Variants in MS4A4A observed in about 807,000 individuals in gnomAD.
The protein encoded by MS4A4A is membrane spanning 4-domains A4A.
A neutral mutation model predicts 28.0 loss-of-function variants in MS4A4A; 26 were observed. The observed-to-expected ratio is 0.93, with a 90% CI of 0.68 to 1.29. MS4A4A has a LOEUF of 1.29. Ranked by LOEUF, MS4A4A falls within the 50% of genes most tolerant of loss-of-function variation. The pLI is 0.00. For missense variants in MS4A4A, 290 were observed against 293.1 expected (o/e 0.99, Z 0.08); for synonymous variants, 86 against 100.8 (o/e 0.85, Z 0.88).
intron 1 of MS4A4A, among the ~76,000 whole-genome samples, chr11:60,284,350 G>C (rs1393121350): frequency 1.3e-5 from 2 of 152,138 alleles, no homozygotes; most frequent in African/African-American, 2.4e-5. Flanking sequence ...TTTCTGGCTT[G>C]AAGTATAAAA....
chr11:60,289,248 G>T (rs1289136695), intron 1 of MS4A4A, among the ~76,000 whole-genome samples: 2 of 152,180 alleles, frequency 1.3e-5, no homozygotes, highest in Non-Finnish European at 2.9e-5. Flanking sequence ...CAGACATGTG[G>T]ACTTCAGGTA....
At chr11:60,300,247 A>G (rs962176022) in intron 3 of MS4A4A, among the ~76,000 whole-genome samples, 3 of 152,232 alleles carry the variant, frequency 2.0e-5, no homozygotes, top group Non-Finnish European at 2.9e-5. Flanking sequence ...CTATTGATGG[A>G]ATCAAATGAA....
At chr11:60,291,887 T>C (rs551758497) in intron 1 of MS4A4A, among the ~76,000 whole-genome samples, 126 of 151,942 alleles carry the variant, frequency 8.3e-4, no homozygotes, top group African/African-American at 3.0e-3. Flanking sequence ...GTAAGAGGGA[T>C]AGAAATAAAA....
intron 1 of MS4A4A, chr11:60,290,138 T>C (rs755164852): frequency 4.6e-5 from 20 of 438,332 alleles, no homozygotes; most frequent in South Asian, 1.1e-4. Flanking sequence ...TGTGTCTTTT[T>C]GGTGATTTCT....
intron 3 of MS4A4A, among the ~76,000 whole-genome samples, chr11:60,300,180 AAGAT>A (rs939785462): frequency 6.6e-6 from 1 of 152,252 alleles, no homozygotes; most frequent in South Asian, 2.1e-4. Context: ...TGAATATTAA[AAGAT>A]AGAGAGTCTA....
chr11:60,282,298 G>C (rs915437290), intron 1 of MS4A4A, among the ~76,000 whole-genome samples: 1 of 152,210 alleles, frequency 6.6e-6, no homozygotes, highest in Non-Finnish European at 1.5e-5. Flanking sequence ...GTCTGAAGGT[G>C]TGCCTGAGAG....
intron 3 of MS4A4A, among the ~76,000 whole-genome samples, chr11:60,297,876 T>C (rs1248196639): frequency 6.6e-6 from 1 of 152,102 alleles, no homozygotes; most frequent in Non-Finnish European, 1.5e-5. Context: ...AACAAAATGA[T>C]GGTTTAGTTA....
intron 3 of MS4A4A, among the ~76,000 whole-genome samples, chr11:60,299,767 TC>T (rs1263926727): frequency 3.3e-5 from 5 of 152,208 alleles, no homozygotes; most frequent in African/African-American, 9.7e-5. Flanking sequence ...TGCCAATAAT[TC>T]TTTATATTTT....
rs1352828719 is a variant in MS4A4A, at chr11:60,290,886, CAT to C, written c.42-1337_42-1336del. 5.3e-5 allele frequency among the ~76,000 whole-genome samples: 8 copies of C among 152,082 alleles called. 2 individuals are homozygous for C. The East Asian group carries it at 1.4e-3, about 26-fold the overall frequency. The stretch of plus-strand genomic sequence containing the variant: ...AGAGAAATCTTAATTTTTTTCTCAA[CAT>C]AGCAAATTTGGAGTACAACAATTTT... On this transcript the variant is annotated intron_variant, in intron 1 of 6. Transcript: ENST00000337908.
At chr11:60,293,425 A>G (rs1394007653) in intron 2 of MS4A4A, among the ~76,000 whole-genome samples, 1 of 152,232 alleles carries the variant, frequency 6.6e-6, no homozygotes, top group African/African-American at 2.4e-5. Context: ...GATCTATCCC[A>G]TATGCCCCTT....
chr11:60,301,004 A>G lies in MS4A4A; in HGVS notation c.334A>G (p.Ile112Val). ...GYTIWGSVMF[I>V]ISGSLSIAAG... ...TCATTTTTTCTCTCATTTTTAGTTTATTATTTCAGGATCCTTGTCAATTGC... is the reference window on the plus strand; with the variant it reads ...TCATTTTTTCTCTCATTTTTAGTTTGTTATTTCAGGATCCTTGTCAATTGC... Residue 112 changes from isoleucine (I) to valine (V), a missense_variant, in exon 4 of 7, where the codon ATT becomes GTT. Physicochemically the swap from Ile to Val is conservative, Grantham distance 29 (BLOSUM62 3). Coordinates refer to ENST00000337908, the MANE Select transcript of MS4A4A (RefSeq NM_148975.3). 1 of 1,602,910 alleles carries G rather than the reference A, an allele frequency of 6.2e-7. No individual in the cohort carries two copies. Among genetic ancestry groups the G allele is most frequent in the Non-Finnish European group, 8.5e-7 (1 of 1,175,484 alleles).
chr11:60,295,779 A>C (rs1192856860), intron 2 of MS4A4A, among the ~76,000 whole-genome samples: 2 of 152,100 alleles, frequency 1.3e-5, no homozygotes, highest in Non-Finnish European at 2.9e-5. Flanking sequence ...TGTTGATGTG[A>C]TGAATACATT....
At chr11:60,287,989 G>T (rs2135013395) in intron 1 of MS4A4A, among the ~76,000 whole-genome samples, 1 of 152,262 alleles carries the variant, frequency 6.6e-6, no homozygotes, top group Admixed American at 6.5e-5. Context: ...CCATATCTTT[G>T]CTGGGCTCAG....
Position 60,290,028 on chromosome 11 carries a change from A to T in MS4A4A, c.42-2197A>T, listed in dbSNP as rs1199174381. 7 of 420,476 alleles carry T rather than the reference A, an allele frequency of 1.7e-5. No individual in the cohort carries two copies. In the Admixed American group the frequency reaches 1.7e-4, roughly 10 times the overall value. 26.0% of individuals were successfully genotyped at this position (420,476 alleles called of 1,614,324 possible). The stretch of plus-strand genomic sequence containing the variant: ...ATGTGATATATATCCAGATGCTCCT[A>T]ATCTGTGGGACTTCTTGCAGGCTTG... On this transcript the variant is annotated intron_variant, in intron 1 of 6. Transcript: ENST00000337908.
At chr11:60,300,958 C>T in intron 3 of MS4A4A, 43 bp from the exon 4 acceptor site, 1 of 1,454,876 alleles carries the variant, frequency 6.9e-7, no homozygotes, top group Non-Finnish European at 9.5e-7. Flanking sequence ...ACTCCCAATA[C>T]TGGCTTAAAG....
chr11:60,292,656 G>A (rs1482175333), intron 2 of MS4A4A, among the ~76,000 whole-genome samples: 1 of 152,152 alleles, frequency 6.6e-6, no homozygotes, highest in Non-Finnish European at 1.5e-5. Context: ...GTGTGGAAAA[G>A]CAGCAAAATA....
At chr11:60,297,728 T>C (rs2084918745) in intron 3 of MS4A4A, among the ~76,000 whole-genome samples, 1 of 152,202 alleles carries the variant, frequency 6.6e-6, no homozygotes, top group Non-Finnish European at 1.5e-5. Context: ...CATCCAACTT[T>C]TGGTAAATAT....
chr11:60,292,489 C>T lies in MS4A4A; in HGVS notation c.201+105C>T, dbSNP rs527712327. 299 of 1,163,276 alleles carry T rather than the reference C, an allele frequency of 2.6e-4. 1 individual carries two copies. The Middle Eastern group carries it at 7.8e-3, about 30-fold the overall frequency. 72.1% of individuals were successfully genotyped at this position (1,163,276 alleles called of 1,614,324 possible). On this transcript the variant is annotated intron_variant, in intron 2 of 6. Coordinates refer to ENST00000337908, the MANE Select transcript of MS4A4A (RefSeq NM_148975.3). ...ACTAGCCTCATAATACAACAGCCAA[C>T]CCTCACGACGTCAGTAATTACTTTT...
chr11:60,284,636 G>T (rs971032943), intron 1 of MS4A4A, among the ~76,000 whole-genome samples: 8 of 152,178 alleles, frequency 5.3e-5, no homozygotes, highest in Admixed American at 4.6e-4. Context: ...ACTATGCAGA[G>T]GCGGGCCTAG....
Sources: allele counts gnomAD v4.1 joint callset (sites outside exome capture counted in the v4.1 genomes callset), GRCh38; gene constraint gnomAD v4.1.1; transcripts MANE v1.5; gene names NCBI Gene and HGNC (gene_info 2026-07-23, HGNC 2026-07-21).